PARD3: variants seen among roughly 807,000 people sequenced by gnomAD.
PARD3 encodes the protein par-3 family cell polarity regulator.
Under a neutral mutation model 155.4 loss-of-function variants are expected in PARD3, and 75 were observed. That is an observed-to-expected ratio of 0.48 (90% CI 0.40 to 0.58). The LOEUF is 0.58. Ranked by LOEUF, PARD3 falls within the 20% of genes least tolerant of loss-of-function variation. The pLI is 0.00. For synonymous variants in PARD3, 576 were observed against 610.5 expected (o/e 0.94, Z 0.83); for missense variants, 1,642 against 1,721.7 (o/e 0.95, Z 0.82).
intron 22 of PARD3, among the ~76,000 whole-genome samples, chr10:34,240,750 C>G (rs1354794185): frequency 6.6e-6 from 1 of 152,096 alleles, no homozygotes; most frequent in Admixed American, 6.5e-5. Flanking sequence ...CCCCAACCTC[C>G]CCCTTCCTGT....
intron 2 of PARD3, among the ~76,000 whole-genome samples, chr10:34,648,547 C>T (rs1258602660): frequency 6.6e-6 from 1 of 152,176 alleles, no homozygotes; most frequent in African/African-American, 2.4e-5. Context: ...CTGGCCTCCG[C>T]CTCAGATCAT....
chr10:34,179,366 C>G (rs1449959963), intron 22 of PARD3, among the ~76,000 whole-genome samples: 1 of 152,186 alleles, frequency 6.6e-6, no homozygotes, highest in Non-Finnish European at 1.5e-5. Flanking sequence ...AACTGCCATT[C>G]TTCTATTGGG....
intron 2 of PARD3, among the ~76,000 whole-genome samples, chr10:34,562,233 T>A (rs2134070612): frequency 6.6e-6 from 1 of 150,612 alleles, no homozygotes; most frequent in South Asian, 2.1e-4. Flanking sequence ...AGTCAGGAGT[T>A]TGAGACCAGC....
chr10:34,417,315 A>G (rs1034059758), intron 5 of PARD3, among the ~76,000 whole-genome samples: 3 of 152,214 alleles, frequency 2.0e-5, no homozygotes, highest in African/African-American at 7.2e-5. Flanking sequence ...TCAGGTAAGA[A>G]TGAATTCACT....
chr10:34,157,528 C>A (rs1161981059), intron 22 of PARD3, among the ~76,000 whole-genome samples: 4 of 152,182 alleles, frequency 2.6e-5, no homozygotes, highest in African/African-American at 4.8e-5. Context: ...TATTTATATT[C>A]TCTGCACCTC....
intron 20 of PARD3, among the ~76,000 whole-genome samples, chr10:34,305,673 T>C (rs1033323842): frequency 1.3e-5 from 2 of 152,190 alleles, no homozygotes; most frequent in African/African-American, 4.8e-5. Context: ...TCTGACAGTC[T>C]TATGTAGAGA....
At chr10:34,154,600 C>T (rs1948919086) in intron 22 of PARD3, among the ~76,000 whole-genome samples, 1 of 152,210 alleles carries the variant, frequency 6.6e-6, no homozygotes, top group Admixed American at 6.5e-5. Context: ...CTAGGTCATA[C>T]TTGCCCTGTA....
At chr10:34,549,126 G>A (rs867323485) in intron 2 of PARD3, among the ~76,000 whole-genome samples, 1 of 152,278 alleles carries the variant, frequency 6.6e-6, no homozygotes, top group Middle Eastern at 3.4e-3. Flanking sequence ...TCATACAATT[G>A]TGATAACATA....
chr10:34,261,781 A>AAAAGAAAGAAAGAAAG (rs1158080569), intron 22 of PARD3, among the ~76,000 whole-genome samples: 3,456 of 131,700 alleles, frequency 0.026, 80 homozygotes, highest in Non-Finnish European at 0.033. Context: ...AGAAAGAAAG[A>AAAAGAAAGAAAGAAAG]AAAGAAAGAA....
intron 1 of PARD3, among the ~76,000 whole-genome samples, chr10:34,715,806 T>G (rs147289768): frequency 2.6e-5 from 4 of 152,294 alleles, no homozygotes; most frequent in African/African-American, 7.2e-5. Context: ...CCTCCTAGAA[T>G]CTGTGGTCTA....
intron 19 of PARD3, among the ~76,000 whole-genome samples, chr10:34,319,078 C>CTTTT (rs34948436): frequency 7.9e-5 from 9 of 114,606 alleles, no homozygotes; most frequent in African/African-American, 9.5e-5. Flanking sequence ...TGCACCCAGA[C>CTTTT]TTTTTTTTTT....
chr10:34,648,584 G>C (rs1262732678), intron 2 of PARD3, among the ~76,000 whole-genome samples: 1 of 152,050 alleles, frequency 6.6e-6, no homozygotes, highest in Middle Eastern at 3.2e-3. Flanking sequence ...TCTCAAAAGG[G>C]GCGTGCAACC....
At chr10:34,641,706 C>T (rs983854161) in intron 2 of PARD3, among the ~76,000 whole-genome samples, 1 of 152,168 alleles carries the variant, frequency 6.6e-6, no homozygotes, top group Non-Finnish European at 1.5e-5. Context: ...GTGAGCTGTG[C>T]CGCAGTTCAT....
At chr10:34,786,395 CCAAAGAAA>C (rs1482318369) in intron 1 of PARD3, among the ~76,000 whole-genome samples, 1 of 152,024 alleles carries the variant, frequency 6.6e-6, no homozygotes, top group East Asian at 1.9e-4. Context: ...AAGGAATAGC[CCAAAGAAA>C]CAAAGAAATA....
intron 3 of PARD3, among the ~76,000 whole-genome samples, chr10:34,502,963 T>C (rs555931238): frequency 1.3e-5 from 2 of 152,250 alleles, no homozygotes; most frequent in African/African-American, 4.8e-5. Context: ...AACTGAACCA[T>C]GGATCACAGA....
intron 20 of PARD3, among the ~76,000 whole-genome samples, chr10:34,293,786 T>C (rs930328018): frequency 3.9e-5 from 6 of 152,232 alleles, no homozygotes; most frequent in African/African-American, 9.6e-5. Context: ...GAGAGATTGA[T>C]TGAGCTTTAA....
intron 22 of PARD3, among the ~76,000 whole-genome samples, chr10:34,256,509 G>A (rs1299963497): frequency 6.6e-6 from 1 of 152,244 alleles, no homozygotes; most frequent in Non-Finnish European, 1.5e-5. Flanking sequence ...TTGCCTGTAA[G>A]TGATATTTAA....
At chr10:34,518,841 C>T (rs1050600109) in intron 2 of PARD3, among the ~76,000 whole-genome samples, 19 of 152,076 alleles carry the variant, frequency 1.2e-4, no homozygotes, top group African/African-American at 4.3e-4. Flanking sequence ...AATGTCTCCC[C>T]AGAAGAGTCA....
At chr10:34,436,330 G>C (rs1230706340) in intron 5 of PARD3, among the ~76,000 whole-genome samples, 2 of 152,226 alleles carry the variant, frequency 1.3e-5, no homozygotes, top group African/African-American at 4.8e-5. Context: ...CCCACTTGCA[G>C]CCTGTATGTT....
Sources: gnomAD v4.1 joint callset for allele counts (sites outside exome capture counted in the v4.1 genomes callset) on GRCh38, gnomAD v4.1.1 for gene constraint, MANE v1.5 for transcripts, NCBI Gene and HGNC (gene_info 2026-07-23, HGNC 2026-07-21) for gene names.